The following MED15 variants were observed in gnomAD, a reference collection of about 807,000 sequenced individuals.
MED15 encodes the protein mediator of RNA polymerase II transcription subunit 15.
In MED15, 41 loss-of-function variants were observed where a neutral mutation model predicts 118.7. The observed-to-expected ratio is 0.35, with a 90% confidence interval of 0.27 to 0.45. The LOEUF (loss-of-function observed/expected upper bound fraction) is 0.45. Among genes scored for constraint, MED15 ranks in the 20% least tolerant of loss-of-function variants. The probability of loss-of-function intolerance (pLI) is 1.00; values close to 1 mark genes in which losing one functional copy is unlikely to be tolerated. For synonymous variants in MED15, 436 were observed against 413.9 expected (o/e 1.05, Z -0.65); for missense variants, 740 against 1,025.5 (o/e 0.72, Z 3.80).
chr22:20,539,547 T>A (rs2055209146), intron 2 of MED15, among the ~76,000 whole-genome samples: 1 of 152,226 alleles, frequency 6.6e-6, no homozygotes, highest in Non-Finnish European at 1.5e-5. Context: ...CAATAGTTAA[T>A]GTATAAATTT....
chr22:20,528,726 G>A (rs919600957), intron 1 of MED15, among the ~76,000 whole-genome samples: 6 of 152,154 alleles, frequency 3.9e-5, no homozygotes, highest in Non-Finnish European at 7.4e-5. Flanking sequence ...AGTGGGTCTC[G>A]GCAGTTAGCG....
At chr22:20,507,904 C>G in intron 1 of MED15, 158 bp downstream of exon 1, 9 of 1,464,734 alleles carry the variant, frequency 6.1e-6, no homozygotes, top group Non-Finnish European at 8.1e-6. Context: ...CCCGTCTGTC[C>G]CCTCCGTTCC....
At position 20,570,066 on chromosome 22, in the gene MED15, C is replaced by A. The variant is rs147883649; in HGVS notation, c.1152+1435C>A. 5.6e-3 allele frequency among the ~76,000 whole-genome samples: 850 copies of A among 152,298 alleles called. 7 individuals are homozygous for A. Among genetic ancestry groups the A allele is most frequent in the African/African-American group, 0.02 (814 of 41,564 alleles). ...TTTGAGATGGAGTCTTGCTCTGTTG[C>A]CAGGCTGGAGTACAGTGGCACGATC... On this transcript the variant is annotated intron_variant, in intron 8 of 17. Coordinates refer to ENST00000263205, the MANE Select transcript of MED15 (RefSeq NM_001003891.3).
chr22:20,528,610 G>A (rs956311902), intron 1 of MED15, among the ~76,000 whole-genome samples: 3 of 152,166 alleles, frequency 2.0e-5, no homozygotes, highest in Admixed American at 2.0e-4. Flanking sequence ...CTGTGGCCCA[G>A]GGCTTGGGGA....
At position 20,536,866 on chromosome 22, in the gene MED15, A is replaced by G. The variant is rs563820725; in HGVS notation, c.69-251A>G. On this transcript the variant is annotated intron_variant, in intron 1 of 17. Coordinates refer to ENST00000263205, the MANE Select transcript of MED15 (RefSeq NM_001003891.3). ...CTCCCCCGCCCCGTCCCTTCATGCC[A>G]GGGCTCTCTCTTTGCTTCATGGCGA... 6.6e-5 allele frequency among the ~76,000 whole-genome samples: 10 copies of G among 152,132 alleles called. No individual in the cohort carries two copies. In the South Asian group the frequency reaches 2.1e-3, roughly 32 times the overall value.
intron 3 of MED15, chr22:20,552,849 GA>G: frequency 2.0e-5 from 8 of 392,352 alleles, no homozygotes; most frequent in East Asian, 5.0e-5. Flanking sequence ...CTGGACCTGG[GA>G]AAAAGGAAAG....
chr22:20,537,944 C>T (rs961427488), intron 2 of MED15, among the ~76,000 whole-genome samples: 4 of 151,852 alleles, frequency 2.6e-5, no homozygotes, highest in African/African-American at 7.3e-5. Context: ...ATTATGGATA[C>T]GTGTCACTGA....
chr22:20,522,995 C>T (rs2054515586), intron 1 of MED15: 1 of 152,186 alleles, frequency 6.6e-6, no homozygotes, highest in Admixed American at 6.5e-5. Flanking sequence ...GGGTGTAGTA[C>T]TTCGTTCCAT....
At chr22:20,564,177 G>T (rs1319246842) in intron 5 of MED15, among the ~76,000 whole-genome samples, 6 of 152,222 alleles carry the variant, frequency 3.9e-5, no homozygotes, top group African/African-American at 1.4e-4. Context: ...CTGATTGCCA[G>T]AGTCTAGGCT....
In MED15 at chr22:20,566,461, C is replaced by G; in HGVS notation, c.691-6C>G. ...GATAACCGAGTGCTGCTTGTTCTGT[C>G]TCTAGATACAGCAGCAGCAACAGCA... On this transcript the variant is annotated splice_polypyrimidine_tract_variant and splice_region_variant and intron_variant, in intron 6 of 17. Transcript: ENST00000263205. The G allele has an allele frequency of 4.3e-6, 7 of 1,611,728 alleles. No homozygotes were observed. Among genetic ancestry groups the G allele is most frequent in the Non-Finnish European group, 5.9e-6 (7 of 1,179,974 alleles).
chr22:20,519,711 T>A (rs2054381783), intron 1 of MED15, among the ~76,000 whole-genome samples: 2 of 152,196 alleles, frequency 1.3e-5, no homozygotes, highest in African/African-American at 4.8e-5. Context: ...TGCCGCATCC[T>A]CCCACAGTGC....
chr22:20,578,070 G>C (rs892195594), intron 9 of MED15, among the ~76,000 whole-genome samples: 1 of 151,968 alleles, frequency 6.6e-6, no homozygotes, highest in African/African-American at 2.4e-5. Context: ...GACTACAGGC[G>C]CCTGCCACCA....
intron 6 of MED15, among the ~76,000 whole-genome samples, chr22:20,565,110 G>A (rs1399598587): frequency 2.6e-5 from 4 of 152,208 alleles, no homozygotes; most frequent in Admixed American, 2.6e-4. Flanking sequence ...GGGCAGCAGT[G>A]AGACTCCGTC....
chr22:20,532,144 G>A (rs1271280658), intron 1 of MED15, among the ~76,000 whole-genome samples: 1 of 152,218 alleles, frequency 6.6e-6, no homozygotes, highest in Non-Finnish European at 1.5e-5. Context: ...GCGAGGGCGT[G>A]GGGGTAGGAA....
intron 1 of MED15, among the ~76,000 whole-genome samples, chr22:20,509,038 C>T (rs1350118764): frequency 6.6e-6 from 1 of 151,942 alleles, no homozygotes; most frequent in East Asian, 1.9e-4. Flanking sequence ...TAAATTGAGT[C>T]CTAGAAAGAC....
At chr22:20,527,037 A>G (rs1265024492) in intron 1 of MED15, among the ~76,000 whole-genome samples, 1 of 152,148 alleles carries the variant, frequency 6.6e-6, no homozygotes, top group Non-Finnish European at 1.5e-5. Flanking sequence ...ATGATGTTAC[A>G]CTGCGCTGCC....
rs116610837 is a variant in MED15, at chr22:20,520,268, T to C, written c.68+12522T>C. Among the ~76,000 whole-genome samples the C allele has an allele frequency of 8.0e-3, 1,224 of 152,348 alleles. 16 individuals carry two copies. Among genetic ancestry groups the C allele is most frequent in the African/African-American group, 0.027 (1,131 of 41,582 alleles). On this transcript the variant is annotated intron_variant, in intron 1 of 17. Coordinates refer to ENST00000263205, the MANE Select transcript of MED15 (RefSeq NM_001003891.3). ...CCACGTGCCCGCTGCCCTTCTCTTC[T>C]GTTCTTTGCTCTTTCCAAGCTTCCT...
chr22:20,569,058 G>T (rs1013137623), intron 8 of MED15, among the ~76,000 whole-genome samples: 5 of 152,194 alleles, frequency 3.3e-5, no homozygotes, highest in African/African-American at 1.2e-4. Flanking sequence ...TGCAGCAGGA[G>T]CGTGGGAGAA....
At chr22:20,568,369 TG>T in intron 7 of MED15, 151 bp from the exon 8 acceptor site, 1 of 1,225,122 alleles carries the variant, frequency 8.2e-7, no homozygotes, top group Non-Finnish European at 1.1e-6. Flanking sequence ...GGATCCTAGA[TG>T]GCCAGTAAGG....
Sources: allele counts gnomAD v4.1 joint callset (sites outside exome capture counted in the v4.1 genomes callset), GRCh38; gene constraint gnomAD v4.1.1; transcripts MANE v1.5; gene names NCBI Gene and HGNC (gene_info 2026-07-23, HGNC 2026-07-21).